LDB2: variants seen among roughly 807,000 people sequenced by gnomAD.
The protein encoded by LDB2 is LIM domain binding 2, also known as LIM domain-binding protein 2.
LDB2 carries 12 observed loss-of-function variants against 44.3 expected under a neutral mutation model. The ratio of observed to expected loss-of-function variants is 0.27; its 90% CI spans 0.17 to 0.44. The LOEUF (loss-of-function observed/expected upper bound fraction) is 0.44, where lower values mean the gene tolerates loss of function less well. Ranked by LOEUF, LDB2 falls within the 20% of genes least tolerant of loss-of-function variation. The pLI is 1.00. For missense variants in LDB2, 344 were observed against 473.5 expected (o/e 0.73, Z 2.54); for synonymous variants, 164 against 174.8 (o/e 0.94, Z 0.49).
intron 6 of LDB2, among the ~76,000 whole-genome samples, chr4:16,509,113 C>G (rs1005131306): frequency 6.6e-6 from 1 of 152,090 alleles, no homozygotes; most frequent in Non-Finnish European, 1.5e-5. Flanking sequence ...CTCCAAGGTA[C>G]GAGTGAAGTA....
chr4:16,620,163 C>T (rs545407557), intron 2 of LDB2, among the ~76,000 whole-genome samples: 1 of 152,272 alleles, frequency 6.6e-6, no homozygotes, highest in African/African-American at 2.4e-5. Context: ...GCCTCCATAT[C>T]TTTAATGTCC....
chr4:16,567,281 C>T (rs1045041755), intron 5 of LDB2, among the ~76,000 whole-genome samples: 30 of 152,008 alleles, frequency 2.0e-4, no homozygotes, highest in African/African-American at 5.3e-4. Flanking sequence ...TATGGTATAT[C>T]TTTAGAGTGA....
chr4:16,809,760 C>T (rs1302992591), intron 1 of LDB2, among the ~76,000 whole-genome samples: 1 of 151,286 alleles, frequency 6.6e-6, no homozygotes, highest in African/African-American at 2.4e-5. Flanking sequence ...AACGGAACTA[C>T]ATGGGACTCG....
chr4:16,704,757 G>T (rs1754236728), intron 2 of LDB2, among the ~76,000 whole-genome samples: 3 of 152,212 alleles, frequency 2.0e-5, no homozygotes, highest in African/African-American at 7.2e-5. Flanking sequence ...GTGAGGACAA[G>T]GACATAGATT....
intron 4 of LDB2, 75 bp from the exon 5 acceptor site, chr4:16,586,080 G>C: frequency 9.2e-7 from 1 of 1,083,510 alleles, no homozygotes; most frequent in Non-Finnish European, 1.4e-6. Context: ...CTGTGCTACA[G>C]CTGCTAAGAA....
chr4:16,541,948 C>A (rs1733924013), intron 5 of LDB2, among the ~76,000 whole-genome samples: 1 of 151,888 alleles, frequency 6.6e-6, no homozygotes, highest in South Asian at 2.1e-4. Context: ...TGGTTTTTTC[C>A]CAACTATTTT....
chr4:16,862,383 C>T (rs991849942), intron 1 of LDB2, among the ~76,000 whole-genome samples: 24 of 151,954 alleles, frequency 1.6e-4, no homozygotes, highest in African/African-American at 5.3e-4. Context: ...CCTGTAATCC[C>T]AGCACTTTGG....
chr4:16,523,875 GA>G (rs1727222311), intron 5 of LDB2, among the ~76,000 whole-genome samples: 1 of 152,154 alleles, frequency 6.6e-6, no homozygotes, highest in Non-Finnish European at 1.5e-5. Context: ...GAAACTGCAG[GA>G]AACAAAACCA....
At chr4:16,661,227 CA>C (rs1741496295) in intron 2 of LDB2, among the ~76,000 whole-genome samples, 1 of 152,122 alleles carries the variant, frequency 6.6e-6, no homozygotes, top group African/African-American at 2.4e-5. Flanking sequence ...ACAGTGAAAT[CA>C]AGGAATGAAA....
intron 1 of LDB2, among the ~76,000 whole-genome samples, chr4:16,772,905 C>T (rs1001952251): frequency 3.9e-5 from 6 of 152,182 alleles, no homozygotes; most frequent in African/African-American, 1.4e-4. Context: ...AATAGGCAGA[C>T]AAACAGAACA....
chr4:16,516,922 T>C (rs1337528061), intron 5 of LDB2, among the ~76,000 whole-genome samples: 1 of 152,226 alleles, frequency 6.6e-6, no homozygotes, highest in Non-Finnish European at 1.5e-5. Flanking sequence ...TATTCATGTA[T>C]GCAAATGAGG....
chr4:16,593,158 A>T (rs1462050984), intron 3 of LDB2, among the ~76,000 whole-genome samples: 3 of 152,196 alleles, frequency 2.0e-5, no homozygotes, highest in East Asian at 3.8e-4. Context: ...CCAAATTTTC[A>T]TAAAAGCAAC....
intron 2 of LDB2, among the ~76,000 whole-genome samples, chr4:16,618,161 T>C (rs1353860635): frequency 6.6e-6 from 1 of 152,182 alleles, no homozygotes; most frequent in African/African-American, 2.4e-5. Context: ...ACACTTAGAC[T>C]ACACCTGGGG....
At chr4:16,763,495 T>C (rs1028984170) in intron 1 of LDB2, among the ~76,000 whole-genome samples, 51 of 145,112 alleles carry the variant, frequency 3.5e-4, no homozygotes, top group African/African-American at 1.3e-3. Flanking sequence ...GAATTAGTCT[T>C]TAGTTATGAC....
chr4:16,566,751 T>C (rs975001524), intron 5 of LDB2, among the ~76,000 whole-genome samples: 33 of 152,170 alleles, frequency 2.2e-4, no homozygotes, highest in African/African-American at 7.2e-4. Context: ...AATTTTAGTA[T>C]ATCACAGCAA....
chr4:16,581,368 A>G, intron 5 of LDB2: 1 of 971,632 alleles, frequency 1.0e-6, no homozygotes, highest in Non-Finnish European at 1.2e-6. Flanking sequence ...ATACTGTTTA[A>G]CTTACTCCCA....
At chr4:16,856,095 A>C (rs896233883) in intron 1 of LDB2, among the ~76,000 whole-genome samples, 2 of 152,174 alleles carry the variant, frequency 1.3e-5, no homozygotes, top group African/African-American at 4.8e-5. Context: ...ATTTTCTTCA[A>C]ACGAAACAAA....
intron 2 of LDB2, among the ~76,000 whole-genome samples, chr4:16,724,803 A>C (rs1189942831): frequency 2.0e-5 from 3 of 152,192 alleles, no homozygotes; most frequent in African/African-American, 4.8e-5. Context: ...TGAGTAATTA[A>C]ACAATTCCGA....
rs112184509 is a variant in LDB2, at chr4:16,753,447, A to G, written c.235+5711T>C. On this transcript the variant is annotated intron_variant, in intron 2 of 7. Coordinates refer to ENST00000304523, the MANE Select transcript of LDB2 (RefSeq NM_001290.5). ...AGAACTTAGTCAATACTGCAAAGCT[A>G]TTGGAGCTTTCAGGAAAAATAAAGG... 2.5e-3 allele frequency among the ~76,000 whole-genome samples: 377 copies of G among 152,296 alleles called. 2 individuals carry two copies. Among genetic ancestry groups the G allele is most frequent in the African/African-American group, 8.5e-3 (353 of 41,568 alleles).
Sources: gnomAD v4.1 joint callset for allele counts (sites outside exome capture counted in the v4.1 genomes callset) on GRCh38, gnomAD v4.1.1 for gene constraint, MANE v1.5 for transcripts, NCBI Gene and HGNC (gene_info 2026-07-23, HGNC 2026-07-21) for gene names.